The following AR variants were observed in gnomAD, a reference collection of about 807,000 sequenced individuals.
AR encodes androgen receptor, also known as dihydrotestosterone receptor.
AR carries 8 observed loss-of-function variants against 53.9 expected under a neutral mutation model. The observed-to-expected ratio is 0.15, with a 90% CI of 0.09 to 0.27. The LOEUF is 0.27. Ranked by LOEUF, AR falls within the 10% of genes least tolerant of loss-of-function variation. AR has a pLI of 1.00. For missense variants in AR, 639 were observed against 742.5 expected (o/e 0.86, Z 1.62); for synonymous variants, 359 against 316.4 (o/e 1.13, Z -1.43).
At position 67,727,431 on chromosome X, in the gene AR, A is replaced by G. The variant is rs1226235938; in HGVS notation, c.*3590A>G. 4 of 170,127 alleles carry G rather than the reference A, an allele frequency of 2.4e-5. No homozygotes were observed. Among genetic ancestry groups the G allele is most frequent in the Admixed American group, 8.0e-5 (1 of 12,578 alleles). The allele number at this position is 170,127 out of a possible 1,213,427, so 14.0% of individuals were successfully genotyped here. On this transcript the variant is annotated 3_prime_UTR_variant, in exon 8 of 8. Transcript: ENST00000374690. ...CCCTCTCTGTCCATACTCTACTTCTAAATACATATAGGCATACATAGCAAG... is the reference window on the plus strand; with the variant it reads ...CCCTCTCTGTCCATACTCTACTTCTGAATACATATAGGCATACATAGCAAG...
intron 3 of AR, among the ~76,000 whole-genome samples, chrX:67,705,994 G>A (rs1322978121): frequency 8.9e-6 from 1 of 111,905 alleles, no homozygotes; most frequent in Non-Finnish European, 1.9e-5. Context: ...CAGGGATGAA[G>A]CCCACTTGAT....
chrX:67,626,610 T>TTA (rs201252311), intron 1 of AR, among the ~76,000 whole-genome samples: 4,621 of 85,069 alleles, frequency 0.054, 367 homozygotes, highest in African/African-American at 0.18. Context: ...CCGACTAATT[T>TTA]TATATATATA....
In AR at chrX:67,630,874, G is replaced by T. The variant is rs370387146; in HGVS notation, c.1617-12382G>T. Among the ~76,000 whole-genome samples, 11 of 110,078 alleles carry T rather than the reference G, an allele frequency of 1.0e-4. 1 individual carries two copies. In the South Asian group the frequency reaches 4.0e-3, roughly 40 times the overall value. On this transcript the variant is annotated intron_variant, in intron 1 of 7. Transcript: ENST00000374690. ...TCTCGGCATTTGCTTGTCTGTAAAG[G>T]ATTTTATTTCTCCTTCACTTATGAA...
At chrX:67,664,281 T>G (rs1397225162) in intron 2 of AR, among the ~76,000 whole-genome samples, 1 of 111,847 alleles carries the variant, frequency 8.9e-6, no homozygotes, top group Admixed American at 9.5e-5. Context: ...AAGATGGTGA[T>G]GTACAGATGA....
intron 2 of AR, among the ~76,000 whole-genome samples, chrX:67,674,693 G>A (rs1602246100): frequency 9.0e-6 from 1 of 111,247 alleles, no homozygotes. Context: ...CTCCCTTCAA[G>A]GAAGTGGGCT....
intron 1 of AR, among the ~76,000 whole-genome samples, chrX:67,619,790 G>A (rs1267276095): frequency 9.0e-6 from 1 of 111,215 alleles, no homozygotes; most frequent in Non-Finnish European, 1.9e-5. Flanking sequence ...GTTGTGATGT[G>A]TACTGGAGTG....
intron 3 of AR, chrX:67,694,969 TGTGA>T: frequency 1.0e-6 from 1 of 972,577 alleles, no homozygotes; most frequent in South Asian, 3.9e-5. Flanking sequence ...TTCATGTAGT[TGTGA>T]GTATCATGAT....
In AR at chrX:67,727,264, T is replaced by A. The variant is rs973034650; in HGVS notation, c.*3423T>A. 7.5e-4 allele frequency: 126 copies of A among 167,422 alleles called. 1 individual carries two copies. The highest frequency in any genetic ancestry group is 5.6e-4 in the Admixed American group (7 of 12,558). The allele number at this position is 167,422 out of a possible 1,213,427, so 13.8% of individuals were successfully genotyped here. A position where few individuals can be genotyped will look rare whatever the true frequency, so the allele number is the denominator to read the frequency against. ...GGATATTTTGAAGGACTGTCATATA[T>A]CTTTGAAAAAAGAAAATCTGTAATA... is the stretch of plus-strand genomic sequence containing the variant. On this transcript the variant is annotated 3_prime_UTR_variant, in exon 8 of 8. Transcript: ENST00000374690.
At chrX:67,686,391 A>G (rs778467923) in intron 3 of AR, among the ~76,000 whole-genome samples, 35 of 111,495 alleles carry the variant, frequency 3.1e-4, no homozygotes, top group Non-Finnish European at 5.8e-4. Context: ...ACAGAAGGTG[A>G]GTGAGGATGC....
chrX:67,615,876 G>A (rs971233777), intron 1 of AR, among the ~76,000 whole-genome samples: 12 of 111,355 alleles, frequency 1.1e-4, no homozygotes, highest in African/African-American at 3.9e-4. Flanking sequence ...TAAATTAATT[G>A]TGGCCTCCTT....
At chrX:67,569,213 G>T (rs777134162) in intron 1 of AR, among the ~76,000 whole-genome samples, 1 of 99,108 alleles carries the variant, frequency 1.0e-5, no homozygotes, top group South Asian at 4.8e-4. Flanking sequence ...TTTTGTGTGT[G>T]GGGGGGGGTT....
chrX:67,617,758 A>C (rs1461669659), intron 1 of AR, among the ~76,000 whole-genome samples: 1 of 111,221 alleles, frequency 9.0e-6, no homozygotes, highest in Non-Finnish European at 1.9e-5. Context: ...TCATGCAAAG[A>C]GTTAGTGTCA....
At chrX:67,589,855 C>G in intron 1 of AR, among the ~76,000 whole-genome samples, 2 of 111,413 alleles carry the variant, frequency 1.8e-5, no homozygotes, top group Middle Eastern at 9.2e-3. Context: ...TCGAGCATGC[C>G]CTGTGGTTCC....
chrX:67,704,643 T>C (rs1168299827), intron 3 of AR, among the ~76,000 whole-genome samples: 1 of 111,932 alleles, frequency 8.9e-6, no homozygotes, highest in Non-Finnish European at 1.9e-5. Flanking sequence ...AGAAGCTCTT[T>C]AGTTTAATTA....
intron 1 of AR, among the ~76,000 whole-genome samples, chrX:67,600,345 G>A (rs923094598): frequency 6.3e-5 from 7 of 111,120 alleles, no homozygotes; most frequent in African/African-American, 2.0e-4. Context: ...ATATACAACC[G>A]AGTACTATTC....
At chrX:67,678,843 A>G (rs1052245682) in intron 2 of AR, among the ~76,000 whole-genome samples, 2 of 111,722 alleles carry the variant, frequency 1.8e-5, no homozygotes, top group East Asian at 5.6e-4. Context: ...TCATAGAAGC[A>G]GAGAGTAGAA....
chrX:67,666,602 A>C (rs1351469814), intron 2 of AR, among the ~76,000 whole-genome samples: 1 of 111,427 alleles, frequency 9.0e-6, no homozygotes, highest in Non-Finnish European at 1.9e-5. Context: ...GTCATATGAT[A>C]GCTCTATTTT....
chrX:67,628,801 A>G, intron 1 of AR, among the ~76,000 whole-genome samples: 1 of 111,604 alleles, frequency 9.0e-6, no homozygotes, highest in African/African-American at 3.3e-5. Context: ...ATTATTTTAA[A>G]ATACGGCCCA....
intron 2 of AR, among the ~76,000 whole-genome samples, chrX:67,660,205 T>C (rs1926816429): frequency 8.9e-6 from 1 of 112,065 alleles, no homozygotes; most frequent in Non-Finnish European, 1.9e-5. Flanking sequence ...TATGCAGAAG[T>C]TCTTTAGTTG....
Sources: allele counts gnomAD v4.1 joint callset (sites outside exome capture counted in the v4.1 genomes callset), GRCh38; gene constraint gnomAD v4.1.1; transcripts MANE v1.5; gene names NCBI Gene and HGNC (gene_info 2026-07-23, HGNC 2026-07-21).